The following TRAF5 variants were observed in gnomAD, a reference collection of about 807,000 sequenced individuals.
The protein encoded by TRAF5 is TNF receptor-associated factor 5.
In TRAF5, 48 loss-of-function variants were observed where a neutral mutation model predicts 64.5. That is an observed-to-expected ratio of 0.74 (90% CI 0.59 to 0.95). The LOEUF is 0.95. Ranked by LOEUF, TRAF5 falls within the 40% of genes least tolerant of loss-of-function variation. TRAF5 has a pLI of 0.00. For synonymous variants in TRAF5, 206 were observed against 240.5 expected (o/e 0.86, Z 1.33); for missense variants, 545 against 662.8 (o/e 0.82, Z 1.95).
upstream of TRAF5, chr1:211,326,821 C>G (rs1277077414): frequency 9.1e-6 from 9 of 984,148 alleles, no homozygotes; most frequent in African/African-American, 1.8e-5. This position sits in a 1 kb window ranked among gnomAD's most constrained non-coding sequence, Gnocchi z 5.0. Flanking sequence ...GCCGCCGCCG[C>G]CGGCCGCAGC....
chr1:211,327,101 G>C (rs868472729), intron 1 of TRAF5, among the ~76,000 whole-genome samples: 1 of 151,990 alleles, frequency 6.6e-6, no homozygotes, highest in Non-Finnish European at 1.5e-5. Flanking sequence ...CGGCGGGGCA[G>C]GTGACCGCCG....
intron 1 of TRAF5, among the ~76,000 whole-genome samples, chr1:211,328,260 C>G (rs1368203489): frequency 2.0e-5 from 3 of 152,160 alleles, no homozygotes; most frequent in Admixed American, 6.5e-5. Flanking sequence ...GCTGCAGGAA[C>G]GATGGATGTA....
rs750189446 is a variant in TRAF5 at position 211,354,398 on chromosome 1, T to A, written c.219-12T>A. On this transcript the variant is annotated splice_polypyrimidine_tract_variant and intron_variant, in intron 2 of 10. Transcript: ENST00000261464. ...CAACTAACTCTGGCTCCATTTTAAT[T>A]TTTTTCTCCAGAGAATTAAACACAG... The A allele has an allele frequency of 1.2e-6, 2 of 1,613,778 alleles. No homozygotes were observed. Among genetic ancestry groups the A allele is most frequent in the Non-Finnish European group, 1.7e-6 (2 of 1,179,832 alleles).
chr1:211,335,515 A>G lies in TRAF5; in HGVS notation c.-2+8626A>G, dbSNP rs185768550. ...GCTGGGGAAGACTATTATTGAACAGATAATTAATTACATAAACAATTATTT... is the reference window on the plus strand; with the variant it reads ...GCTGGGGAAGACTATTATTGAACAGGTAATTAATTACATAAACAATTATTT... On this transcript the variant is annotated intron_variant, in intron 1 of 10. Transcript: ENST00000261464. Among the ~76,000 whole-genome samples, 398 of 152,278 alleles carry G rather than the reference A, an allele frequency of 2.6e-3. 1 individual carries two copies. The highest frequency in any genetic ancestry group is 4.8e-3 in the Non-Finnish European group (326 of 68,028).
Position 211,372,641 on chromosome 1 carries a change from T to C in TRAF5, c.1613T>C (p.Ile538Thr). The change falls in exon 11 of 11, where the codon ATT (isoleucine) becomes ACT (threonine). Residue 538 changes from isoleucine (I) to threonine (T), a missense_variant. Ile to Thr is a moderately conservative substitution (Grantham distance 89, BLOSUM62 -1). Coordinates refer to ENST00000261464, the MANE Select transcript of TRAF5 (RefSeq NM_001033910.3). ...SVLENAKNAY[I>T]KDDTLFLKVA... ...TTGGAGAATGCCAAGAACGCCTACA[T>C]TAAAGATGACACTCTGTTCTTGAAA... 1 of 1,614,228 alleles carries C rather than the reference T, an allele frequency of 6.2e-7. No homozygotes were observed. The highest frequency in any genetic ancestry group is 8.5e-7 in the Non-Finnish European group (1 of 1,180,030).
chr1:211,334,187 A>G (rs1702232453), intron 1 of TRAF5, among the ~76,000 whole-genome samples: 1 of 152,216 alleles, frequency 6.6e-6, no homozygotes, highest in Non-Finnish European at 1.5e-5. Context: ...GGGGAATCAC[A>G]CAGGATGTGC....
rs2102780715 is a variant in TRAF5 at position 211,374,327 on chromosome 1, G to A, written c.*1625G>A. 6.5e-6 allele frequency: 1 copy of A among 153,026 alleles called. No individual in the cohort carries two copies. Among genetic ancestry groups the A allele is most frequent in the East Asian group, 1.9e-4 (1 of 5,192 alleles). The allele number at this position is 153,026 out of a possible 1,614,324, so 9.5% of individuals were successfully genotyped here. ...GGCTCCCCTGGGCACGCAAGGATGA[G>A]TATGGGCCATGGGCCCCTGTAGAGC... is the stretch of plus-strand genomic sequence containing the variant. On this transcript the variant is annotated 3_prime_UTR_variant, in exon 11 of 11. Coordinates refer to ENST00000261464, the MANE Select transcript of TRAF5 (RefSeq NM_001033910.3).
At chr1:211,349,748 T>C (rs1276676336) in intron 1 of TRAF5, among the ~76,000 whole-genome samples, 4 of 152,160 alleles carry the variant, frequency 2.6e-5, no homozygotes, top group Non-Finnish European at 1.5e-5. Context: ...GGAGGGAACC[T>C]GAACTGAGTT....
Position 211,354,424 on chromosome 1 carries a change from T to C in TRAF5, c.233T>C (p.Val78Ala). 2 of 1,614,088 alleles carry C rather than the reference T, an allele frequency of 1.2e-6. No homozygotes were observed. Among genetic ancestry groups the C allele is most frequent in the Non-Finnish European group, 1.7e-6 (2 of 1,180,006 alleles). ...TTTTTCTCCAGAGAATTAAACACAG[T>C]GCCAATCTGCCCTGTAGATAAAGAG... ...CILSLRELNT[V>A]PICPVDKEVI... Residue 78 changes from valine to alanine, a missense_variant, in exon 3 of 11, where the codon GTG (valine) becomes GCG (alanine). Transcript: ENST00000261464.
chr1:211,349,548 G>A (rs1313820856), intron 1 of TRAF5, among the ~76,000 whole-genome samples: 1 of 152,164 alleles, frequency 6.6e-6, no homozygotes, highest in Non-Finnish European at 1.5e-5. Flanking sequence ...ACCTCCTAAA[G>A]GTCCCACCTC....
intron 4 of TRAF5, chr1:211,357,567 A>G (rs1703006542): frequency 6.6e-6 from 1 of 152,076 alleles, no homozygotes; most frequent in African/African-American, 2.4e-5. Flanking sequence ...TTTCTTTTAT[A>G]TTTCCCCTCA....
intron 1 of TRAF5, among the ~76,000 whole-genome samples, chr1:211,329,662 G>T (rs1446480117): frequency 6.6e-6 from 1 of 152,200 alleles, no homozygotes; most frequent in Non-Finnish European, 1.5e-5. Context: ...ATCAAAAGCT[G>T]CCTGACACCT....
At chr1:211,352,301 A>G (rs1702809180) in intron 1 of TRAF5, among the ~76,000 whole-genome samples, 2 of 152,040 alleles carry the variant, frequency 1.3e-5, no homozygotes, top group Non-Finnish European at 2.9e-5. Flanking sequence ...TAAAGCCATC[A>G]GATCTCATGA....
intron 8 of TRAF5, among the ~76,000 whole-genome samples, chr1:211,365,933 G>A (rs1703338337): frequency 6.6e-6 from 1 of 152,140 alleles, no homozygotes; most frequent in South Asian, 2.1e-4. Context: ...TATAAATTTT[G>A]TGATAAGTCT....
chr1:211,368,270 T>C (rs1295446216), intron 8 of TRAF5, among the ~76,000 whole-genome samples: 2 of 152,100 alleles, frequency 1.3e-5, no homozygotes, highest in African/African-American at 4.8e-5. Flanking sequence ...GAAATGTTTA[T>C]GCAGGGAAGG....
intron 1 of TRAF5, among the ~76,000 whole-genome samples, chr1:211,347,717 T>C (rs1702654837): frequency 6.6e-6 from 1 of 152,186 alleles, no homozygotes; most frequent in Admixed American, 6.5e-5. Flanking sequence ...TGACAAGACA[T>C]GGGCCCACAC....
intron 1 of TRAF5, 105 bp from the exon 2 acceptor site, chr1:211,353,134 A>G (rs1702846476): frequency 9.0e-7 from 1 of 1,110,408 alleles, no homozygotes; most frequent in Non-Finnish European, 1.3e-6. Flanking sequence ...TGACCATGTG[A>G]ATGATGTACA....
intron 4 of TRAF5, chr1:211,356,680 A>G (rs888299953): frequency 4.2e-6 from 2 of 479,792 alleles, no homozygotes; most frequent in Non-Finnish European, 7.6e-6. Flanking sequence ...TATGGAGCGC[A>G]TGGAGGACAT....
intron 1 of TRAF5, among the ~76,000 whole-genome samples, chr1:211,328,532 GA>G (rs1399314348): frequency 2.0e-5 from 3 of 152,164 alleles, no homozygotes; most frequent in African/African-American, 4.8e-5. Flanking sequence ...AAGCCCGCTG[GA>G]CTTGGGTAGT....
Sources: gnomAD v4.1 joint callset for allele counts (sites outside exome capture counted in the v4.1 genomes callset) on GRCh38, gnomAD v4.1.1 for gene constraint, Gnocchi (gnomAD v3.1) non-coding constraint, MANE v1.5 for transcripts, NCBI Gene and HGNC (gene_info 2026-07-23, HGNC 2026-07-21) for gene names.